ADAMTS14: variants seen among roughly 807,000 people sequenced by gnomAD.
ADAMTS14 encodes A disintegrin and metalloproteinase with thrombospondin motifs 14.
In ADAMTS14, 100 loss-of-function variants were observed where a neutral mutation model predicts 128.6. The observed-to-expected ratio is 0.78, with a 90% CI of 0.66 to 0.92. ADAMTS14 has a LOEUF of 0.92. ADAMTS14 is among the 40% of genes least tolerant of loss of function. The pLI is 0.00. For synonymous variants in ADAMTS14, 665 were observed against 653.8 expected, an observed-to-expected ratio of 1.02 and a Z score of -0.26; for missense variants, 1,562 against 1,658.6, an observed-to-expected ratio of 0.94 and a Z score of 1.01.
chr10:70,697,901 C>T (rs910961081), intron 2 of ADAMTS14, among the ~76,000 whole-genome samples: 2 of 152,220 alleles, frequency 1.3e-5, no homozygotes, highest in Non-Finnish European at 2.9e-5. Flanking sequence ...GGAGAATCCA[C>T]AGTCCTTCCC....
At chr10:70,752,827 G>T (rs1389978476) in intron 18 of ADAMTS14, among the ~76,000 whole-genome samples, 3 of 152,180 alleles carry the variant, frequency 2.0e-5, no homozygotes, top group Admixed American at 1.3e-4. Flanking sequence ...GGCTGGGCAT[G>T]TAATTGGGGC....
intron 4 of ADAMTS14, among the ~76,000 whole-genome samples, chr10:70,726,255 A>G (rs1009117799): frequency 1.3e-5 from 2 of 152,184 alleles, no homozygotes; most frequent in Non-Finnish European, 2.9e-5. Flanking sequence ...TGAGCTGGAG[A>G]TGGCAGCTGT....
rs1388724015 is a variant in ADAMTS14, at chr10:70,674,832, G to C, written c.359G>C (p.Arg120Pro). Residue 120 changes from arginine to proline, a missense_variant, in exon 2 of 22, where the codon CGC (arginine) becomes CCC (proline). Transcript: ENST00000373207. The stretch of plus-strand genomic sequence containing the variant: ...GTTTTCGGGAAGGAACTGCACTTGC[G>C]CCTGCGGCCCAATCGGAGGTTGGTA... The part of the protein sequence containing the change: ...VTVFGKELHL[R>P]LRPNRRLVVP... The C allele has an allele frequency of 6.2e-7, 1 of 1,613,822 alleles. No homozygotes were observed. Among genetic ancestry groups the C allele is most frequent in the East Asian group, 2.2e-5 (1 of 44,896 alleles).
intron 4 of ADAMTS14, among the ~76,000 whole-genome samples, chr10:70,723,939 C>A (rs1295756064): frequency 4.6e-5 from 7 of 152,240 alleles, no homozygotes; most frequent in African/African-American, 1.7e-4. Flanking sequence ...GGCCTTCTCA[C>A]TTCTAGCTGC....
chr10:70,734,824 A>C (rs1450937911), intron 8 of ADAMTS14, among the ~76,000 whole-genome samples: 3 of 152,194 alleles, frequency 2.0e-5, no homozygotes, highest in Non-Finnish European at 4.4e-5. Flanking sequence ...GTGAGTCCTC[A>C]AACTGTCTAT....
chr10:70,761,410 C>A lies in ADAMTS14; in HGVS notation c.*557C>A. On this transcript the variant is annotated 3_prime_UTR_variant, in exon 22 of 22. Transcript: ENST00000373207. ...GGGTGGAACACAAGGTGATCGCAGG[C>A]CCAGCTCCTGGAAGCCAAGAGCTCC... 6.6e-6 allele frequency: 1 copy of A among 152,636 alleles called. No homozygotes were observed. The highest frequency in any genetic ancestry group is 1.5e-5 in the Non-Finnish European group (1 of 68,302). 9.5% of individuals were successfully genotyped at this position (152,636 alleles called of 1,614,324 possible). A position where few individuals can be genotyped will look rare whatever the true frequency, so the allele number is the denominator to read the frequency against.
At chr10:70,738,166 G>A (rs1289602455) in intron 10 of ADAMTS14, among the ~76,000 whole-genome samples, 1 of 152,094 alleles carries the variant, frequency 6.6e-6, no homozygotes, top group Non-Finnish European at 1.5e-5. Context: ...AGAGCTTTGT[G>A]CATTTTTTTC....
At chr10:70,720,740 A>C (rs1841231370) in intron 4 of ADAMTS14, among the ~76,000 whole-genome samples, 1 of 152,252 alleles carries the variant, frequency 6.6e-6, no homozygotes, top group Non-Finnish European at 1.5e-5. Context: ...ACGGGTACCC[A>C]CACACAAGCA....
chr10:70,718,231 G>A (rs59099175), intron 4 of ADAMTS14, among the ~76,000 whole-genome samples: 4,070 of 152,202 alleles, frequency 0.027, 70 homozygotes, highest in African/African-American at 0.032. Context: ...TCCTTGACAC[G>A]AAGCAGACAA....
At chr10:70,705,994 T>G (rs1438402675) in intron 3 of ADAMTS14, among the ~76,000 whole-genome samples, 1 of 152,234 alleles carries the variant, frequency 6.6e-6, no homozygotes, top group Non-Finnish European at 1.5e-5. Flanking sequence ...AACTTTCAAC[T>G]GTATTTTCAA....
At chr10:70,704,408 G>C (rs751649624) in intron 3 of ADAMTS14, among the ~76,000 whole-genome samples, 1 of 150,774 alleles carries the variant, frequency 6.6e-6, no homozygotes, top group Non-Finnish European at 1.5e-5. Context: ...CCATATACCC[G>C]CACTCACCCT....
At chr10:70,737,483 G>C (rs1319874854) in intron 10 of ADAMTS14, among the ~76,000 whole-genome samples, 1 of 152,216 alleles carries the variant, frequency 6.6e-6, no homozygotes, top group Non-Finnish European at 1.5e-5. Flanking sequence ...ACGTGAGGGA[G>C]CAGGGAAGAA....
At chr10:70,675,135 C>A in intron 2 of ADAMTS14, 140 bp downstream of exon 2, 1 of 1,018,274 alleles carries the variant, frequency 9.8e-7, no homozygotes. Context: ...TGCCGCCTGC[C>A]CCCGCGGGCC....
At chr10:70,719,373 C>T (rs1257679724) in intron 4 of ADAMTS14, among the ~76,000 whole-genome samples, 1 of 25,696 alleles carries the variant, frequency 3.9e-5, no homozygotes, top group Non-Finnish European at 1.1e-4. Flanking sequence ...CAAATACACA[C>T]ACACACACAC....
intron 21 of ADAMTS14, among the ~76,000 whole-genome samples, chr10:70,759,781 G>A (rs1241061768): frequency 1.3e-5 from 2 of 152,198 alleles, no homozygotes; most frequent in African/African-American, 2.4e-5. Context: ...CCTGGCTGGA[G>A]TGGGGCCAGA....
At chr10:70,680,871 A>T (rs1436676180) in intron 2 of ADAMTS14, among the ~76,000 whole-genome samples, 1 of 152,070 alleles carries the variant, frequency 6.6e-6, no homozygotes, top group Admixed American at 6.6e-5. Context: ...CAAAATCCTG[A>T]CCTCAGCCTC....
At chr10:70,691,487 T>TAAAAAAA (rs11373533) in intron 2 of ADAMTS14, among the ~76,000 whole-genome samples, 1 of 86,694 alleles carries the variant, frequency 1.2e-5, no homozygotes. Context: ...GAGACCCTGT[T>TAAAAAAA]AAAAAAAAAA....
intron 7 of ADAMTS14, among the ~76,000 whole-genome samples, chr10:70,733,180 T>G (rs953454135): frequency 2.0e-5 from 3 of 152,230 alleles, no homozygotes; most frequent in Non-Finnish European, 2.9e-5. Flanking sequence ...GGCCCCTCCC[T>G]GTGGAGACAC....
At position 70,732,286 on chromosome 10, in the gene ADAMTS14, C is replaced by A. The variant is rs770762752; in HGVS notation, c.1135C>A (p.Leu379Met). The change falls in exon 7 of 22, where the codon CTG (leucine) becomes ATG (methionine). Residue 379 changes from leucine to methionine, a missense_variant. Transcript: ENST00000373207. Reference protein sequence around the residue: ...YAPVTGMCHPLRSCALNHEDG... With the variant: ...YAPVTGMCHPMRSCALNHEDG... ...ACCCGTCACTGGCATGTGTCACCCC[C>A]TGAGGAGCTGTGCCCTCAACCATGA... 6.2e-7 allele frequency: 1 copy of A among 1,614,218 alleles called. No homozygotes were observed. The highest frequency in any genetic ancestry group is 2.2e-5 in the East Asian group (1 of 44,890).
Sources: allele counts gnomAD v4.1 joint callset (sites outside exome capture counted in the v4.1 genomes callset), GRCh38; gene constraint gnomAD v4.1.1; transcripts MANE v1.5; gene names NCBI Gene and HGNC (gene_info 2026-07-23, HGNC 2026-07-21).